The following SERPINE2 variants were observed in gnomAD, a reference collection of about 807,000 sequenced individuals.
SERPINE2 encodes glia-derived nexin.
SERPINE2 carries 14 observed loss-of-function variants against 36.3 expected under a neutral mutation model. That is an observed-to-expected ratio of 0.39 (90% CI 0.25 to 0.60). The LOEUF (loss-of-function observed/expected upper bound fraction) is 0.60. Ranked by LOEUF, SERPINE2 falls within the 20% of genes least tolerant of loss-of-function variation. The pLI is 0.57. For synonymous variants in SERPINE2, 192 were observed against 191.8 expected, an observed-to-expected ratio of 1.00 and a Z score of -0.01; for missense variants, 418 against 499.6, an observed-to-expected ratio of 0.84 and a Z score of 1.56.
chr2:224,020,288 TAGAA>T (rs1463044002), intron 1 of SERPINE2, among the ~76,000 whole-genome samples: 2 of 151,974 alleles, frequency 1.3e-5, no homozygotes, highest in African/African-American at 2.4e-5. Flanking sequence ...GTACGAAGAA[TAGAA>T]AGAAAGGTAT....
At chr2:224,031,084 A>C (rs1215133259) in intron 1 of SERPINE2, 1 of 985,300 alleles carries the variant, frequency 1.0e-6, no homozygotes, top group Non-Finnish European at 1.2e-6. Flanking sequence ...GCTTTGACAC[A>C]AATTTCTTCT....
intron 3 of SERPINE2, among the ~76,000 whole-genome samples, chr2:223,992,807 G>A (rs1690726969): frequency 1.3e-5 from 2 of 152,192 alleles, no homozygotes; most frequent in African/African-American, 4.8e-5. Context: ...CAATTATTAT[G>A]GGTCAATGAA....
chr2:224,025,710 T>C (rs1273279378), intron 1 of SERPINE2, among the ~76,000 whole-genome samples: 2 of 152,234 alleles, frequency 1.3e-5, no homozygotes, highest in Non-Finnish European at 2.9e-5. Context: ...ACCTTCCAAG[T>C]TGCCTATCAC....
intron 6 of SERPINE2, chr2:223,981,086 T>C (rs1055568518): frequency 2.6e-5 from 4 of 152,236 alleles, no homozygotes; most frequent in African/African-American, 9.7e-5. Context: ...ATGAAAAACT[T>C]AAGTTGATAT....
chr2:224,018,609 T>C (rs1691881198), intron 1 of SERPINE2, among the ~76,000 whole-genome samples: 1 of 150,982 alleles, frequency 6.6e-6, no homozygotes, highest in Admixed American at 6.6e-5. Context: ...AAAATAATAA[T>C]AAAATAATAA....
intron 7 of SERPINE2, chr2:223,979,406 T>C (rs1048331686): frequency 6.6e-6 from 1 of 152,244 alleles, no homozygotes; most frequent in Non-Finnish European, 1.5e-5. Flanking sequence ...TTTTAAATGC[T>C]TCTTTAAAGG....
chr2:223,980,461 G>T lies in SERPINE2; in HGVS notation c.986-64C>A. On this transcript the variant is annotated intron_variant, in intron 6 of 8. Transcript: ENST00000409304. ...ATAGGCAGGCCATTGGTTGGTTGGG[G>T]AAGTAACCTCAAAGCTCAAAGCCAT... 3.6e-6 allele frequency: 5 copies of T among 1,405,314 alleles called. No individual in the cohort carries two copies. In the East Asian group the frequency reaches 9.2e-5, roughly 26 times the overall value. The allele number at this position is 1,405,314 out of a possible 1,614,324, so 87.1% of individuals were successfully genotyped here.
At chr2:223,979,272 T>C (rs559612173) in intron 7 of SERPINE2, 7 of 152,298 alleles carry the variant, frequency 4.6e-5, no homozygotes, top group East Asian at 1.9e-4. Flanking sequence ...CCACAAACTA[T>C]GTAGCTGGTC....
chr2:223,983,017 C>T (rs948833256), intron 5 of SERPINE2, among the ~76,000 whole-genome samples: 1 of 152,222 alleles, frequency 6.6e-6, no homozygotes, highest in African/African-American at 2.4e-5. Context: ...TAGGCGCTCC[C>T]ACCCTCAGGT....
At chr2:224,031,170 G>C in intron 1 of SERPINE2, 2 of 985,390 alleles carry the variant, frequency 2.0e-6, no homozygotes, top group Non-Finnish European at 2.4e-6. Context: ...CACATCTACA[G>C]ACCCGGGTCC....
intron 4 of SERPINE2, among the ~76,000 whole-genome samples, chr2:223,989,117 T>C (rs1690549265): frequency 6.6e-6 from 1 of 152,236 alleles, no homozygotes; most frequent in Non-Finnish European, 1.5e-5. Context: ...GCAATGAGCA[T>C]GAAATATAAA....
Position 224,023,774 on chromosome 2 carries a change from G to A in SERPINE2, c.-23+15325C>T, listed in dbSNP as rs147135180. Reference sequence around the variant, plus strand: ...AAGGGCTACTTTGAGATATGTTTTGGCACCCACAAAAGTAATCCTGTGACA... The same window carrying A: ...AAGGGCTACTTTGAGATATGTTTTGACACCCACAAAAGTAATCCTGTGACA... On this transcript the variant is annotated intron_variant, in intron 1 of 8. Transcript: ENST00000409304. Among the ~76,000 whole-genome samples the A allele has an allele frequency of 2.4e-3, 368 of 152,206 alleles. 3 individuals are homozygous for A. Among genetic ancestry groups the A allele is most frequent in the African/African-American group, 8.5e-3 (354 of 41,522 alleles).
chr2:223,984,231 A>C (rs950280470), intron 5 of SERPINE2, among the ~76,000 whole-genome samples: 3 of 152,212 alleles, frequency 2.0e-5, no homozygotes, highest in African/African-American at 7.2e-5. Context: ...ATTTGGGGTT[A>C]CTTTTCCCAT....
At chr2:224,025,907 C>T (rs570155432) in intron 1 of SERPINE2, among the ~76,000 whole-genome samples, 1 of 152,208 alleles carries the variant, frequency 6.6e-6, no homozygotes, top group Non-Finnish European at 1.5e-5. Flanking sequence ...TTTCAAATGA[C>T]AGAGGGCAGC....
At chr2:223,988,318 ACC>A (rs1690519680) in intron 4 of SERPINE2, among the ~76,000 whole-genome samples, 2 of 152,130 alleles carry the variant, frequency 1.3e-5, no homozygotes, top group Admixed American at 1.3e-4. Flanking sequence ...ACAGGTGAGC[ACC>A]ACCATGCCTG....
At chr2:224,001,971 T>TA in intron 1 of SERPINE2, 49 bp from the exon 2 acceptor site, 1 of 1,472,764 alleles carries the variant, frequency 6.8e-7, no homozygotes, top group Non-Finnish European at 9.0e-7. Context: ...AATGGGTACT[T>TA]TACTACTTTT....
chr2:224,021,676 A>C (rs181871431), intron 1 of SERPINE2, among the ~76,000 whole-genome samples: 22 of 152,352 alleles, frequency 1.4e-4, no homozygotes, highest in Non-Finnish European at 2.2e-4. Flanking sequence ...AGGATAAGAC[A>C]GTGACCCACA....
chr2:224,008,517 T>C (rs1691505293), intron 1 of SERPINE2, among the ~76,000 whole-genome samples: 1 of 152,240 alleles, frequency 6.6e-6, no homozygotes, highest in South Asian at 2.1e-4. Context: ...TTTAAGGGTC[T>C]CGATCCACTG....
intron 8 of SERPINE2, among the ~76,000 whole-genome samples, chr2:223,977,157 A>G (rs951728874): frequency 1.3e-5 from 2 of 152,174 alleles, no homozygotes; most frequent in African/African-American, 4.8e-5. Context: ...ACTCTAGGGT[A>G]TTTCTTCATA....
Sources: gnomAD v4.1 joint callset for allele counts (sites outside exome capture counted in the v4.1 genomes callset) on GRCh38, gnomAD v4.1.1 for gene constraint, MANE v1.5 for transcripts, NCBI Gene and HGNC (gene_info 2026-07-23, HGNC 2026-07-21) for gene names.